The following SOS2 variants were observed in gnomAD, a reference collection of about 807,000 sequenced individuals.
SOS2 encodes the protein son of sevenless homolog 2.
SOS2 carries 65 observed loss-of-function variants against 148.2 expected under a neutral mutation model. The observed-to-expected ratio is 0.44, with a 90% CI of 0.36 to 0.54. SOS2 has a LOEUF of 0.54. Among genes scored for constraint, SOS2 ranks in the 20% least tolerant of loss-of-function variants. The pLI is 0.00. For missense variants in SOS2, 1,341 were observed against 1,590.2 expected, an observed-to-expected ratio of 0.84 and a Z score of 2.67; for synonymous variants, 539 against 537.1, an observed-to-expected ratio of 1.00 and a Z score of -0.05.
At chr14:50,224,085 C>T (rs1887278968) in intron 1 of SOS2, among the ~76,000 whole-genome samples, 1 of 151,550 alleles carries the variant, frequency 6.6e-6, no homozygotes, top group South Asian at 2.1e-4. Flanking sequence ...GAGTTCAAGG[C>T]CAGCCTGGCC....
Position 50,159,542 on chromosome 14 carries a change from C to T in SOS2, c.1741G>A (p.Glu581Lys), listed in dbSNP as rs1455053497. ...TTGTCTTCAAAAACAATGTTTTCCT[C>T]AGAGTCTTTTACTACAAAACGATAT... The part of the protein sequence containing the change: ...EVYRFVVKDS[E>K]ENIVFEDNLQ... The change falls in exon 10 of 23, where the codon GAG (glutamate) becomes AAG (lysine). Residue 581 changes from glutamate (E) to lysine (K), a missense_variant. Transcript: ENST00000216373. 6.2e-7 allele frequency: 1 copy of T among 1,613,804 alleles called. No homozygotes were observed. Among genetic ancestry groups the T allele is most frequent in the Admixed American group, 1.7e-5 (1 of 60,006 alleles).
Position 50,118,738 on chromosome 14 carries a change from C to T in SOS2, c.3605G>A (p.Ser1202Asn), listed in dbSNP as rs967815973. ...PTGAFDGPLH[S>N]PPPPPPRDPL... ...ATCTCTTGGTGGTGGCGGAGGTGGA[C>T]TATGCAGAGGCCCATCAAATGCACC... Residue 1202 changes from serine to asparagine, a missense_variant, in exon 23 of 23, where the codon AGT (serine) becomes AAT (asparagine). Coordinates refer to ENST00000216373, the MANE Select transcript of SOS2 (RefSeq NM_006939.4). 1.2e-6 allele frequency: 2 copies of T among 1,610,234 alleles called. No homozygotes were observed. Among genetic ancestry groups the T allele is most frequent in the African/African-American group, 2.7e-5 (2 of 73,704 alleles).
intron 5 of SOS2, among the ~76,000 whole-genome samples, chr14:50,186,649 T>C (rs1474238140): frequency 6.6e-6 from 1 of 151,696 alleles, no homozygotes; most frequent in Non-Finnish European, 1.5e-5. Flanking sequence ...TCAATCTCCT[T>C]ACAAGTAAAG....
At chr14:50,190,510 A>T (rs1159940742) in intron 4 of SOS2, among the ~76,000 whole-genome samples, 1 of 152,162 alleles carries the variant, frequency 6.6e-6, no homozygotes, top group Non-Finnish European at 1.5e-5. Flanking sequence ...TCTCCATCTT[A>T]CCGCAGGCTT....
intron 4 of SOS2, among the ~76,000 whole-genome samples, chr14:50,189,095 ACACACACG>A (rs1233585175): frequency 5.3e-5 from 8 of 150,638 alleles, no homozygotes; most frequent in African/African-American, 1.2e-4. Context: ...ACACACACAC[ACACACACG>A]CACACACAAA....
chr14:50,159,856 G>C lies in SOS2; in HGVS notation c.1427C>G (p.Thr476Ser). ...MISCKPNHGQ[T>S]RLPGYSSAEY... ...TGCACTACTGTAACCTGGAAGCCGA[G>C]TCTGGCCATGATTAGGTTTACAACT... The change falls in exon 10 of 23, where the codon ACT (threonine) becomes AGT (serine). Residue 476 changes from threonine to serine, a missense_variant. Physicochemically the swap from Thr to Ser is moderately conservative, Grantham distance 58 (BLOSUM62 1). This residue lies in a region of SOS2 where 574 missense variants were observed against 711.1 expected (regional missense o/e 0.81). Coordinates refer to ENST00000216373, the MANE Select transcript of SOS2 (RefSeq NM_006939.4). 6.2e-7 allele frequency: 1 copy of C among 1,614,064 alleles called. No homozygotes were observed. The highest frequency in any genetic ancestry group is 8.5e-7 in the Non-Finnish European group (1 of 1,180,012).
chr14:50,129,681 G>A (rs928094376), intron 21 of SOS2, among the ~76,000 whole-genome samples: 21 of 152,314 alleles, frequency 1.4e-4, no homozygotes, highest in Admixed American at 1.1e-3. Flanking sequence ...CACCACACCC[G>A]GCTAGGTGTT....
rs539053568 is a variant in SOS2, at chr14:50,194,786, AAAAT to A, written c.510+4901_510+4904del. Among the ~76,000 whole-genome samples the A allele has an allele frequency of 6.0e-5, 9 of 150,684 alleles. No individual in the cohort carries two copies. The East Asian group carries it at 1.8e-3, about 30-fold the overall frequency. On this transcript the variant is annotated intron_variant, in intron 4 of 22. Transcript: ENST00000216373. ...GAGCAAGACTCTGTCTCAACAATAA[AAAAT>A]AAATAAATTAAATAAAATAATATGG...
chr14:50,140,706 C>T (rs1400636654), intron 16 of SOS2, among the ~76,000 whole-genome samples: 1 of 150,722 alleles, frequency 6.6e-6, no homozygotes, highest in Non-Finnish European at 1.5e-5. Flanking sequence ...CTAGCATGGA[C>T]AAGTATAAGA....
intron 7 of SOS2, among the ~76,000 whole-genome samples, chr14:50,175,230 A>T (rs1885484932): frequency 6.6e-6 from 1 of 152,182 alleles, no homozygotes; most frequent in Non-Finnish European, 1.5e-5. Context: ...ATCCCAAATG[A>T]TGATGAAGTA....
chr14:50,165,909 C>T (rs1202226171), intron 8 of SOS2, among the ~76,000 whole-genome samples: 1 of 152,106 alleles, frequency 6.6e-6, no homozygotes, highest in Non-Finnish European at 1.5e-5. Flanking sequence ...AAGTAATTTG[C>T]CCAATATAAA....
intron 21 of SOS2, among the ~76,000 whole-genome samples, chr14:50,121,717 A>G (rs1290788481): frequency 6.6e-6 from 1 of 150,796 alleles, no homozygotes; most frequent in African/African-American, 2.5e-5. Flanking sequence ...TATCTCAGTC[A>G]TGTGGCTCTG....
At chr14:50,200,075 AAAC>A (rs1886438115) in intron 3 of SOS2, among the ~76,000 whole-genome samples, 1 of 152,164 alleles carries the variant, frequency 6.6e-6, no homozygotes, top group Non-Finnish European at 1.5e-5. Flanking sequence ...GCCTTTTATC[AAAC>A]AACAACAGTT....
Position 50,120,294 on chromosome 14 carries a change from T to C in SOS2, c.3470A>G (p.His1157Arg), listed in dbSNP as rs765598266. The change falls in exon 22 of 23, where the codon CAT becomes CGT. Residue 1157 changes from histidine (H) to arginine (R), a missense_variant. Physicochemically the swap from His to Arg is conservative, Grantham distance 29 (BLOSUM62 0). This residue lies in a region of SOS2 where 354 missense variants were observed against 347.7 expected (regional missense o/e 1.02). Transcript: ENST00000216373. ...PPLPPRKKFDHDASNSKGNMK... is the reference protein window; with the variant it reads ...PPLPPRKKFDRDASNSKGNMK... ...GATTACCTTGGAATTTGAAGCATCA[T>C]GATCAAACTTTTTTCGAGGAGGAAG... is the stretch of plus-strand genomic sequence containing the variant. 2.0e-5 allele frequency: 31 copies of C among 1,587,638 alleles called. 1 individual carries two copies. The highest frequency in any genetic ancestry group is 1.4e-4 in the South Asian group (13 of 89,800).
chr14:50,151,097 G>A (rs899088057), intron 13 of SOS2, among the ~76,000 whole-genome samples: 1 of 152,214 alleles, frequency 6.6e-6, no homozygotes, highest in Non-Finnish European at 1.5e-5. Flanking sequence ...GGGCTCAAGT[G>A]ATCTGCCTGC....
intron 1 of SOS2, among the ~76,000 whole-genome samples, chr14:50,214,067 G>A (rs1203878557): frequency 6.6e-6 from 1 of 151,622 alleles, no homozygotes; most frequent in African/African-American, 2.4e-5. Context: ...TTTTCTCTAG[G>A]AAACAGAAAA....
At chr14:50,127,228 A>C (rs1289769411) in intron 21 of SOS2, among the ~76,000 whole-genome samples, 3 of 135,336 alleles carry the variant, frequency 2.2e-5, no homozygotes, top group South Asian at 2.3e-4. Context: ...TGCAACCTCC[A>C]CCTCCCGGGT....
chr14:50,188,617 G>T lies in SOS2; in HGVS notation c.594C>A (p.Asn198Lys). ...TTTCAGTTCTGACAAGATCATAGTAGTTTAATTCACCAGAAGAACTAGGTT... is the reference window on the plus strand; with the variant it reads ...TTTCAGTTCTGACAAGATCATAGTATTTTAATTCACCAGAAGAACTAGGTT... Reference protein sequence around the residue: ...EDEPSSSGELNYYDLVRTEIA... With the variant: ...EDEPSSSGELKYYDLVRTEIA... Residue 198 changes from asparagine to lysine, a missense_variant, in exon 5 of 23, where the codon AAC becomes AAA. This residue lies in a region of SOS2 where 574 missense variants were observed against 711.1 expected (regional missense o/e 0.81). Coordinates refer to ENST00000216373, the MANE Select transcript of SOS2 (RefSeq NM_006939.4). 1 of 1,609,946 alleles carries T rather than the reference G, an allele frequency of 6.2e-7. No individual in the cohort carries two copies. Among genetic ancestry groups the T allele is most frequent in the Non-Finnish European group, 8.5e-7 (1 of 1,177,308 alleles).
chr14:50,230,861 T>C, intron 1 of SOS2: 1 of 1,013,242 alleles, frequency 9.9e-7, no homozygotes. Context: ...GCTTTTGTTT[T>C]AGAAACTGTC....
Sources: allele counts gnomAD v4.1 joint callset (sites outside exome capture counted in the v4.1 genomes callset), GRCh38; gene constraint gnomAD v4.1.1; regional missense constraint gnomAD v4.1.1; transcripts MANE v1.5; gene names NCBI Gene and HGNC (gene_info 2026-07-23, HGNC 2026-07-21).